The following DGKH variants were observed in gnomAD, a reference collection of about 807,000 sequenced individuals.
DGKH encodes DAG kinase eta.
A neutral mutation model predicts 159.3 loss-of-function variants in DGKH; 90 were observed. The observed-to-expected ratio is 0.57, with a 90% CI of 0.48 to 0.67. DGKH has a LOEUF of 0.67. DGKH is among the 30% of genes least tolerant of loss of function. DGKH has a pLI of 0.00. For missense variants in DGKH, 1,181 were observed against 1,506.1 expected (o/e 0.78, Z 3.57); for synonymous variants, 536 against 553.8 (o/e 0.97, Z 0.45).
At chr13:42,173,956 T>C (rs371438576) in intron 11 of DGKH, 104 bp from the exon 12 acceptor site, 31 of 647,908 alleles carry the variant, frequency 4.8e-5, no homozygotes, top group South Asian at 1.8e-4. Flanking sequence ...TGTGTGTGTG[T>C]GTGCGTGCGT....
chr13:42,207,429 G>C (rs778216656), intron 21 of DGKH, among the ~76,000 whole-genome samples: 1 of 151,426 alleles, frequency 6.6e-6, no homozygotes, highest in African/African-American at 2.4e-5. Context: ...GACCTCAGGT[G>C]ATCCACCCAC....
chr13:42,180,998 C>G (rs1594157408), intron 13 of DGKH, among the ~76,000 whole-genome samples: 1 of 152,032 alleles, frequency 6.6e-6, no homozygotes, highest in African/African-American at 2.4e-5. Context: ...CCTCTTCGGC[C>G]GGGCGCGGTG....
chr13:42,103,208 T>A (rs1375987223), intron 1 of DGKH, among the ~76,000 whole-genome samples: 1 of 152,110 alleles, frequency 6.6e-6, no homozygotes, highest in East Asian at 1.9e-4. Flanking sequence ...ATAAGGTAAA[T>A]GGAGAATGCT....
Position 42,160,133 on chromosome 13 carries a change from A to G in DGKH, c.852A>G (p.Thr284=), listed in dbSNP as rs772464156. 5.6e-6 allele frequency: 9 copies of G among 1,614,230 alleles called. No individual in the cohort carries two copies. Among genetic ancestry groups the G allele is most frequent in the Non-Finnish European group, 7.6e-6 (9 of 1,180,036 alleles). The change falls in exon 7 of 30, where the codon ACA becomes ACG. Residue 284 remains threonine (T), a synonymous_variant. Coordinates refer to ENST00000337343, the MANE Select transcript of DGKH (RefSeq NM_178009.5). ...ATTGGAAATGCCTTTGGTGTAAGAC[A>G]ATGGTGAGGGTTTTGGAATCAGTTC... ...LQDWKCLWCK[T]MVHTACKDLY...
At chr13:42,046,980 G>A (rs1444766806), upstream of DGKH, among the ~76,000 whole-genome samples, 8 of 152,342 alleles carry the variant, frequency 5.3e-5, no homozygotes, top group South Asian at 2.1e-4. Flanking sequence ...AGGTGGGAAT[G>A]AAGGCCATTA....
intron 20 of DGKH, among the ~76,000 whole-genome samples, chr13:42,205,045 C>G (rs1422078642): frequency 6.6e-6 from 1 of 151,956 alleles, no homozygotes; most frequent in Non-Finnish European, 1.5e-5. Context: ...TTTTAAGAAG[C>G]TATGTTAATT....
intron 16 of DGKH, 83 bp from the exon 17 acceptor site, chr13:42,194,802 T>C: frequency 7.0e-7 from 1 of 1,425,272 alleles, no homozygotes; most frequent in South Asian, 1.4e-5. Flanking sequence ...TTAAACATTA[T>C]TTTATGTTTT....
downstream of DGKH, among the ~76,000 whole-genome samples, chr13:42,245,424 AT>A (rs1291766666): frequency 6.6e-6 from 1 of 152,198 alleles, no homozygotes; most frequent in East Asian, 1.9e-4. Flanking sequence ...AGAGGACCAG[AT>A]CATCTTGAGG....
intron 29 of DGKH, among the ~76,000 whole-genome samples, chr13:42,223,533 G>A (rs1327568571): frequency 3.3e-5 from 5 of 152,036 alleles, no homozygotes; most frequent in Non-Finnish European, 5.9e-5. Flanking sequence ...AGTCCGAGGC[G>A]GGCGGATCAC....
chr13:42,252,508 C>A (rs35841218), intron 30 of DGKH: 1 of 152,426 alleles, frequency 6.6e-6, no homozygotes, highest in Non-Finnish European at 1.5e-5. Context: ...TCCACACGGC[C>A]TATATCCCAA....
intron 3 of DGKH, chr13:42,138,167 AG>A: frequency 1.1e-6 from 1 of 937,448 alleles, no homozygotes; most frequent in Non-Finnish European, 1.3e-6. Flanking sequence ...GGCTAATAGC[AG>A]GGCACAGCTA....
chr13:42,159,270 T>TTTTTTTTTTTTTTTA lies in DGKH; in HGVS notation c.627_628insTTTTTTTTTTTTTTA (p.Cys209_Lys210insPhePhePhePheLeu). The TTTTTTTTTTTTTTTA allele has an allele frequency of 6.6e-7, 1 of 1,521,082 alleles. No homozygotes were observed. The highest frequency in any genetic ancestry group is 9.0e-7 in the Non-Finnish European group (1 of 1,117,270). 94.2% of individuals were successfully genotyped at this position (1,521,082 alleles called of 1,614,324 possible). On this transcript the variant is annotated inframe_insertion, in exon 6 of 30. Transcript: ENST00000337343. ...TTTTTTTTTTTTTTTTTTTAGTGTG[T>TTTTTTTTTTTTTTTA]AAATTCAAGGCTCACAAAAGATGTG...
intron 14 of DGKH, among the ~76,000 whole-genome samples, chr13:42,188,641 A>G (rs1048381520): frequency 6.6e-6 from 1 of 152,218 alleles, no homozygotes; most frequent in Non-Finnish European, 1.5e-5. Flanking sequence ...CTTTGTATAA[A>G]ATGTCTGTTG....
At chr13:42,213,888 T>C (rs1957726175) in intron 24 of DGKH, among the ~76,000 whole-genome samples, 1 of 152,176 alleles carries the variant, frequency 6.6e-6, no homozygotes, top group Non-Finnish European at 1.5e-5. Flanking sequence ...TTCTTAGAGG[T>C]TTGGATACCA....
intron 28 of DGKH, among the ~76,000 whole-genome samples, chr13:42,220,467 T>A (rs777511974): frequency 6.6e-6 from 1 of 152,230 alleles, no homozygotes; most frequent in Non-Finnish European, 1.5e-5. Context: ...GTTTATACAA[T>A]GGTAGCTGCC....
intron 11 of DGKH, among the ~76,000 whole-genome samples, chr13:42,171,978 C>T (rs781507147): frequency 6.0e-4 from 91 of 150,882 alleles, no homozygotes; most frequent in Non-Finnish European, 1.0e-3. Flanking sequence ...TATAGGTGCC[C>T]GCCACCACGC....
At chr13:42,102,220 A>G (rs74050922) in intron 1 of DGKH, among the ~76,000 whole-genome samples, 48 of 152,348 alleles carry the variant, frequency 3.2e-4, no homozygotes, top group African/African-American at 1.2e-3. Context: ...CACTAAACCT[A>G]CTAACCCTGA....
intron 1 of DGKH, among the ~76,000 whole-genome samples, chr13:42,076,415 G>A (rs1954100904): frequency 6.6e-6 from 1 of 152,118 alleles, no homozygotes; most frequent in African/African-American, 2.4e-5. Context: ...CAAACTTTCT[G>A]TACTGGCCTT....
chr13:42,162,983 G>C (rs1392453521), intron 7 of DGKH, among the ~76,000 whole-genome samples: 4 of 150,932 alleles, frequency 2.7e-5, no homozygotes, highest in African/African-American at 9.8e-5. Flanking sequence ...TTTAGCATTA[G>C]GTATATCTCC....
Sources: allele counts gnomAD v4.1 joint callset (sites outside exome capture counted in the v4.1 genomes callset), GRCh38; gene constraint gnomAD v4.1.1; transcripts MANE v1.5; gene names NCBI Gene and HGNC (gene_info 2026-07-23, HGNC 2026-07-21).